Variants in NTM observed in about 807,000 individuals in gnomAD.
The protein encoded by NTM is neurotrimin, also known as IgLON family member 2.
A neutral mutation model predicts 42.1 loss-of-function variants in NTM; 13 were observed. The ratio of observed to expected loss-of-function variants is 0.31; its 90% CI spans 0.20 to 0.49. NTM has a LOEUF of 0.49. Ranked by LOEUF, NTM falls within the 20% of genes least tolerant of loss-of-function variation. The pLI, the probability that NTM is intolerant of heterozygous loss-of-function variation, is 0.99. For synonymous variants in NTM, 187 were observed against 179.2 expected (o/e 1.04, Z -0.35); for missense variants, 373 against 452.8 (o/e 0.82, Z 1.60).
intron 1 of NTM, among the ~76,000 whole-genome samples, chr11:131,515,395 G>T (rs1288013780): frequency 6.6e-6 from 1 of 152,174 alleles, no homozygotes; most frequent in African/African-American, 2.4e-5. Flanking sequence ...CCCTGTGGTA[G>T]ATGGCCTTTC....
At chr11:131,552,833 A>T (rs2054890863) in intron 1 of NTM, among the ~76,000 whole-genome samples, 1 of 141,082 alleles carries the variant, frequency 7.1e-6, no homozygotes, top group South Asian at 2.4e-4. Flanking sequence ...AAAAAAAAAT[A>T]ATAGCCTCAA....
chr11:131,516,159 C>CT (rs1269478344), intron 1 of NTM, among the ~76,000 whole-genome samples: 4 of 152,196 alleles, frequency 2.6e-5, no homozygotes, highest in Admixed American at 2.0e-4. Flanking sequence ...CTGAAGTATG[C>CT]TTTTAATTTC....
chr11:132,297,982 T>A (rs1031707862), intron 4 of NTM, among the ~76,000 whole-genome samples: 1 of 152,212 alleles, frequency 6.6e-6, no homozygotes, highest in Admixed American at 6.5e-5. Flanking sequence ...GATGGCTAAA[T>A]CATAGGCTGC....
chr11:131,969,872 A>G (rs2063314827), intron 2 of NTM, among the ~76,000 whole-genome samples: 1 of 152,198 alleles, frequency 6.6e-6, no homozygotes, highest in South Asian at 2.1e-4. Flanking sequence ...GCTGGAGTGC[A>G]GTGGCACCAT....
intron 2 of NTM, among the ~76,000 whole-genome samples, chr11:132,144,183 A>T (rs1249556912): frequency 6.6e-6 from 1 of 152,182 alleles, no homozygotes; most frequent in African/African-American, 2.4e-5. Context: ...CCTAATGTGC[A>T]CAAAACTCAT....
At chr11:132,172,557 T>C (rs1173112463) in intron 3 of NTM, among the ~76,000 whole-genome samples, 1 of 152,174 alleles carries the variant, frequency 6.6e-6, no homozygotes, top group Non-Finnish European at 1.5e-5. Context: ...TACAATCTAC[T>C]GAAATGTCAA....
intron 1 of NTM, chr11:131,535,476 G>C (rs1257529629): frequency 6.6e-6 from 1 of 152,120 alleles, no homozygotes; most frequent in Non-Finnish European, 1.5e-5. Flanking sequence ...TATTTCTAAG[G>C]ACCCCTATGC....
chr11:131,688,183 C>T (rs2074161492), intron 1 of NTM, among the ~76,000 whole-genome samples: 2 of 152,142 alleles, frequency 1.3e-5, no homozygotes, highest in Admixed American at 6.5e-5. Flanking sequence ...GCACCCGCGC[C>T]CCCCGAGCCG....
chr11:131,847,785 G>C (rs1024568372), intron 1 of NTM, among the ~76,000 whole-genome samples: 3 of 152,116 alleles, frequency 2.0e-5, no homozygotes, highest in African/African-American at 4.8e-5. Flanking sequence ...CTCTGTTCAC[G>C]CTCTGTGACT....
At chr11:131,782,804 GCAAACT>G (rs1407903407) in intron 1 of NTM, among the ~76,000 whole-genome samples, 1 of 152,090 alleles carries the variant, frequency 6.6e-6, no homozygotes, top group African/African-American at 2.4e-5. Context: ...CAAACTCTCA[GCAAACT>G]AAGTAAAGAA....
chr11:131,903,599 G>A (rs796709353), intron 1 of NTM, among the ~76,000 whole-genome samples: 4 of 152,316 alleles, frequency 2.6e-5, no homozygotes, highest in African/African-American at 7.2e-5. Flanking sequence ...GGGAAGAATG[G>A]AAGGCCATAT....
chr11:131,451,423 A>T (rs1234684555), intron 1 of NTM, among the ~76,000 whole-genome samples: 1 of 152,166 alleles, frequency 6.6e-6, no homozygotes, highest in African/African-American at 2.4e-5. Context: ...ATGCAAAAGG[A>T]GTGAGAGGAG....
Position 131,970,766 on chromosome 11 carries a change from C to T in NTM, c.167+59118C>T, listed in dbSNP as rs988774598. Among the ~76,000 whole-genome samples, 10 of 152,296 alleles carry T rather than the reference C, an allele frequency of 6.6e-5. No individual in the cohort carries two copies. The South Asian group carries it at 1.7e-3, about 25-fold the overall frequency. ...GCTGAGGGTTGAGTTAATCACATTC[C>T]TCAGTTCATAGCACATCATCATCCC... On this transcript the variant is annotated intron_variant, in intron 2 of 8. Coordinates refer to ENST00000683400, the MANE Select transcript of NTM (RefSeq NM_001352005.2).
intron 1 of NTM, among the ~76,000 whole-genome samples, chr11:131,868,552 C>G (rs2047452897): frequency 6.6e-6 from 1 of 152,236 alleles, no homozygotes; most frequent in Admixed American, 6.5e-5. Flanking sequence ...TGGCTCCAAT[C>G]TGGAAATGAC....
At chr11:131,834,299 C>T (rs1385457429) in intron 1 of NTM, among the ~76,000 whole-genome samples, 1 of 152,132 alleles carries the variant, frequency 6.6e-6, no homozygotes. Flanking sequence ...AATACCCACT[C>T]CCTTCCACAT....
intron 1 of NTM, among the ~76,000 whole-genome samples, chr11:131,700,821 A>G (rs1052215862): frequency 6.6e-6 from 1 of 152,226 alleles, no homozygotes; most frequent in Non-Finnish European, 1.5e-5. Context: ...GATCTTTTCC[A>G]TACGCAACCA....
At chr11:132,282,976 C>CTTTTTGTTTTTTTT (rs2094043985) in intron 4 of NTM, among the ~76,000 whole-genome samples, 1 of 109,012 alleles carries the variant, frequency 9.2e-6, no homozygotes, top group African/African-American at 3.5e-5. Flanking sequence ...TCCTTTATTC[C>CTTTTTGTTTTTTTT]TTTTTTTTTT....
intron 2 of NTM, among the ~76,000 whole-genome samples, chr11:132,111,710 A>C (rs1415090454): frequency 6.6e-6 from 1 of 152,248 alleles, no homozygotes; most frequent in Non-Finnish European, 1.5e-5. Context: ...CAGCTAAAGA[A>C]AAATAAGTGC....
chr11:131,554,790 T>C (rs1248827461), intron 1 of NTM, among the ~76,000 whole-genome samples: 1 of 152,170 alleles, frequency 6.6e-6, no homozygotes, highest in Non-Finnish European at 1.5e-5. Flanking sequence ...CCTTCCTTTT[T>C]GGAGAACCTC....
Sources: allele counts gnomAD v4.1 joint callset (sites outside exome capture counted in the v4.1 genomes callset), GRCh38; gene constraint gnomAD v4.1.1; transcripts MANE v1.5; gene names NCBI Gene and HGNC (gene_info 2026-07-23, HGNC 2026-07-21).